The following LIMCH1 variants were observed in gnomAD, a reference collection of about 807,000 sequenced individuals.
LIMCH1 encodes the protein LIM and calponin homology domains 1, also known as LIM and calponin homology domains-containing protein 1.
Under a neutral mutation model 176.5 loss-of-function variants are expected in LIMCH1, and 113 were observed. The observed-to-expected ratio is 0.64, with a 90% confidence interval of 0.55 to 0.75. LIMCH1 has a LOEUF of 0.75. Ranked by LOEUF, LIMCH1 falls within the 30% of genes least tolerant of loss-of-function variation. LIMCH1 has a pLI of 0.00. For missense variants in LIMCH1, 1,674 were observed against 1,814.9 expected (o/e 0.92, Z 1.41); for synonymous variants, 619 against 645.9 (o/e 0.96, Z 0.63).
At chr4:41,370,654 A>G (rs1347564546) in intron 1 of LIMCH1, among the ~76,000 whole-genome samples, 1 of 152,224 alleles carries the variant, frequency 6.6e-6, no homozygotes, top group African/African-American at 2.4e-5. Flanking sequence ...CTGATTCATT[A>G]TGCTGTTAGA....
At chr4:41,589,638 G>C (rs1458321853) in intron 1 of LIMCH1, among the ~76,000 whole-genome samples, 1 of 152,084 alleles carries the variant, frequency 6.6e-6, no homozygotes, top group Admixed American at 6.5e-5. Flanking sequence ...GCTTATGTTT[G>C]CTTTTCTTCA....
At chr4:41,545,127 A>G (rs1335048472) in intron 1 of LIMCH1, among the ~76,000 whole-genome samples, 1 of 152,192 alleles carries the variant, frequency 6.6e-6, no homozygotes, top group Non-Finnish European at 1.5e-5. Context: ...CTTTGTACTC[A>G]AATTCAGTGT....
chr4:41,694,632 T>C (rs1397944809), intron 31 of LIMCH1, among the ~76,000 whole-genome samples: 2 of 152,200 alleles, frequency 1.3e-5, no homozygotes, highest in Non-Finnish European at 2.9e-5. Context: ...TGTGGACTTA[T>C]AATTTAAAAC....
intron 1 of LIMCH1, among the ~76,000 whole-genome samples, chr4:41,569,206 G>A (rs1434974508): frequency 3.3e-5 from 5 of 152,100 alleles, no homozygotes; most frequent in East Asian, 1.9e-4. Flanking sequence ...CAAAATGCTC[G>A]CTTTCTTAAT....
At chr4:41,451,075 G>GA (rs1354718944) in intron 1 of LIMCH1, among the ~76,000 whole-genome samples, 1 of 151,926 alleles carries the variant, frequency 6.6e-6, no homozygotes, top group African/African-American at 2.4e-5. Flanking sequence ...ACATTACATG[G>GA]AAAAAATAAG....
chr4:41,416,261 C>T (rs2059927651), intron 1 of LIMCH1, among the ~76,000 whole-genome samples: 1 of 152,072 alleles, frequency 6.6e-6, no homozygotes, highest in Admixed American at 6.6e-5. Flanking sequence ...TTCAAAATGC[C>T]AGGCAATAGA....
rs35682179 is a variant in LIMCH1 at position 41,605,425 on chromosome 4, AT to A, written c.-102-461del. On this transcript the variant is annotated intron_variant, in intron 3 of 31. Transcript: ENST00000503057. ...ACCTTTATCACTTGTTTGGGATTTT[AT>A]TTTTTTTCTGCCATTGGCCTTAGCG... 2.0e-5 allele frequency among the ~76,000 whole-genome samples: 3 copies of A among 152,022 alleles called. No homozygotes were observed. The South Asian group carries it at 6.2e-4, about 32-fold the overall frequency.
intron 2 of LIMCH1, among the ~76,000 whole-genome samples, chr4:41,501,857 CT>C (rs71198662): frequency 0.023 from 1,722 of 74,840 alleles, 39 homozygotes; most frequent in African/African-American, 0.079. Flanking sequence ...GTGTAGAATC[CT>C]TTTTTTTTTT....
chr4:41,645,092 GA>G (rs1034953453), intron 15 of LIMCH1, among the ~76,000 whole-genome samples: 6 of 152,268 alleles, frequency 3.9e-5, no homozygotes, highest in Non-Finnish European at 7.4e-5. Flanking sequence ...TTCCACAGAC[GA>G]ATCCCAGCAC....
intron 1 of LIMCH1, among the ~76,000 whole-genome samples, chr4:41,589,557 G>T (rs1271828728): frequency 6.6e-6 from 1 of 152,160 alleles, no homozygotes; most frequent in East Asian, 1.9e-4. Context: ...TTTGACCCCA[G>T]ACACACAGTG....
chr4:41,684,455 G>T lies in LIMCH1; in HGVS notation c.3904G>T (p.Asp1302Tyr), dbSNP rs1197291928. The change falls in exon 27 of 32, where the codon GAC (aspartate) becomes TAC (tyrosine). Residue 1302 changes from aspartate (D) to tyrosine (Y), a missense_variant. By Grantham distance (160) the Asp-to-Tyr change is radical. Transcript: ENST00000503057. ...GNPVSKGVHE[D>Y]HQLDTEAGAP... ...CCCTGTATCAAAAGGAGTCCATGAA[G>T]ACCATCAGCTGGATACCGAGGCTGG... is the stretch of plus-strand genomic sequence containing the variant. 6.2e-7 allele frequency: 1 copy of T among 1,613,752 alleles called. No individual in the cohort carries two copies. The highest frequency in any genetic ancestry group is 1.1e-5 in the South Asian group (1 of 91,060).
intron 18 of LIMCH1, among the ~76,000 whole-genome samples, chr4:41,654,905 G>T (rs1046729966): frequency 2.0e-5 from 3 of 152,088 alleles, no homozygotes; most frequent in Non-Finnish European, 4.4e-5. Context: ...TCTGTTAAAG[G>T]CCCAGTGGAA....
chr4:41,660,106 A>T (rs561172548), intron 18 of LIMCH1, among the ~76,000 whole-genome samples: 31 of 152,286 alleles, frequency 2.0e-4, no homozygotes, highest in African/African-American at 6.5e-4. Context: ...ATAGGCATGT[A>T]TATAATCATA....
chr4:41,664,368 C>G (rs1278988881), intron 20 of LIMCH1, among the ~76,000 whole-genome samples: 1 of 152,206 alleles, frequency 6.6e-6, no homozygotes, highest in Non-Finnish European at 1.5e-5. Context: ...ACATGATGCA[C>G]TCCCTGGCCT....
intron 1 of LIMCH1, among the ~76,000 whole-genome samples, chr4:41,386,944 T>A (rs2056574445): frequency 6.6e-6 from 1 of 152,248 alleles, no homozygotes; most frequent in Admixed American, 6.5e-5. Flanking sequence ...TATAGCTATA[T>A]GCTATGGTAA....
intron 7 of LIMCH1, among the ~76,000 whole-genome samples, chr4:41,622,634 G>A (rs953846573): frequency 7.9e-5 from 12 of 152,136 alleles, no homozygotes; most frequent in African/African-American, 2.4e-4. Context: ...CAGTACCTGG[G>A]ACGTTTATTT....
At chr4:41,684,628 T>A in intron 27 of LIMCH1, 110 bp downstream of exon 27, 1 of 1,220,076 alleles carries the variant, frequency 8.2e-7, no homozygotes, top group Middle Eastern at 2.0e-4. Context: ...CTAAGGGCCC[T>A]GGACTTCTAG....
At chr4:41,534,417 A>G (rs1469674188), upstream of LIMCH1, among the ~76,000 whole-genome samples, 1 of 152,230 alleles carries the variant, frequency 6.6e-6, no homozygotes. Flanking sequence ...AATTTTAGGA[A>G]GATGACATTT....
intron 1 of LIMCH1, among the ~76,000 whole-genome samples, chr4:41,457,494 A>G (rs1195595026): frequency 6.6e-6 from 1 of 152,308 alleles, no homozygotes; most frequent in East Asian, 1.9e-4. Context: ...TACTTTACAT[A>G]AATTGCTCAT....
Sources: gnomAD v4.1 joint callset for allele counts (sites outside exome capture counted in the v4.1 genomes callset) on GRCh38, gnomAD v4.1.1 for gene constraint, MANE v1.5 for transcripts, NCBI Gene and HGNC (gene_info 2026-07-23, HGNC 2026-07-21) for gene names.